The following FER1L6 variants were observed in gnomAD, a reference collection of about 807,000 sequenced individuals.
FER1L6 encodes fer-1 like family member 6.
In FER1L6, 177 loss-of-function variants were observed where a neutral mutation model predicts 219.2. That is an observed-to-expected ratio of 0.81 (90% CI 0.71 to 0.91). The LOEUF is 0.91. FER1L6 is among the 40% of genes least tolerant of loss of function. The pLI is 0.00. For synonymous variants in FER1L6, 768 were observed against 824.3 expected, an observed-to-expected ratio of 0.93 and a Z score of 1.17; for missense variants, 2,153 against 2,259.9, an observed-to-expected ratio of 0.95 and a Z score of 0.96.
chr8:123,980,706 A>C lies in FER1L6; in HGVS notation c.1305A>C (p.Lys435Asn), dbSNP rs1816283997. 6.2e-7 allele frequency: 1 copy of C among 1,614,056 alleles called. No homozygotes were observed. Among genetic ancestry groups the C allele is most frequent in the Admixed American group, 1.7e-5 (1 of 59,990 alleles). The change falls in exon 11 of 41, where the codon AAA becomes AAC. Residue 435 changes from lysine (K) to asparagine (N), a missense_variant. By Grantham distance (94) the Lys-to-Asn change is moderately conservative. Coordinates refer to ENST00000522917, the MANE Select transcript of FER1L6 (RefSeq NM_001039112.2). ...AGGACAAAGACTCCAAATCTTCCAA[A>C]GGTAAAGACAAGGCTGACAAAACTG... Reference protein sequence around the residue: ...PSKDKDSKSSKGKDKADKTED... With the variant: ...PSKDKDSKSSNGKDKADKTED...
chr8:123,989,837 A>G (rs1282752939), intron 12 of FER1L6, among the ~76,000 whole-genome samples: 1 of 152,162 alleles, frequency 6.6e-6, no homozygotes, highest in East Asian at 1.9e-4. Context: ...GGTTAGTTCC[A>G]TATCTTTGCA....
At chr8:123,938,291 T>C (rs16899115) in intron 1 of FER1L6, among the ~76,000 whole-genome samples, 38,044 of 152,192 alleles carry the variant, frequency 0.25, 5,239 homozygotes, top group East Asian at 0.41. Context: ...TCACACATTT[T>C]GAGCTTTTGC....
At chr8:123,952,013 C>T (rs550725005) in intron 1 of FER1L6, among the ~76,000 whole-genome samples, 7 of 152,300 alleles carry the variant, frequency 4.6e-5, no homozygotes, top group African/African-American at 7.2e-5. Flanking sequence ...TGGGAGAACA[C>T]GTGGCAACTC....
At chr8:123,918,308 C>CAAAAAAAA (rs34073010) in intron 1 of FER1L6, among the ~76,000 whole-genome samples, 1 of 123,752 alleles carries the variant, frequency 8.1e-6, no homozygotes. Context: ...CAACCTGTCT[C>CAAAAAAAA]AAAAAAAAAA....
rs560551862 is a variant in FER1L6 at position 123,949,713 on chromosome 8, AAAG to A, written c.-7-6273_-7-6271del. Among the ~76,000 whole-genome samples, 345 of 152,298 alleles carry A rather than the reference AAAG, an allele frequency of 2.3e-3. 2 individuals carry two copies. Among genetic ancestry groups the A allele is most frequent in the African/African-American group, 7.6e-3 (316 of 41,552 alleles). On this transcript the variant is annotated intron_variant, in intron 1 of 40. Coordinates refer to ENST00000522917, the MANE Select transcript of FER1L6 (RefSeq NM_001039112.2). ...TACTTCCACTTGCACATCAGAGCAG[AAAG>A]AAGAATACAAATGTTCTGTGGGCAG...
rs181246461 is a variant in FER1L6 at position 124,055,570 on chromosome 8, T to G, written c.2875-4610T>G. On this transcript the variant is annotated intron_variant, in intron 22 of 40. Coordinates refer to ENST00000522917, the MANE Select transcript of FER1L6 (RefSeq NM_001039112.2). Reference sequence around the variant, plus strand: ...CCATACTTAGAACACTCGTTTCCCCTACTTTTATAATGTTTCTCTTGTTTT... The same window carrying G: ...CCATACTTAGAACACTCGTTTCCCCGACTTTTATAATGTTTCTCTTGTTTT... Among the ~76,000 whole-genome samples, 610 of 152,282 alleles carry G rather than the reference T, an allele frequency of 4.0e-3. 3 individuals carry two copies. The highest frequency in any genetic ancestry group is 0.014 in the African/African-American group (579 of 41,566).
chr8:124,104,111 C>A (rs1822660287), intron 39 of FER1L6, among the ~76,000 whole-genome samples: 1 of 152,180 alleles, frequency 6.6e-6, no homozygotes, highest in South Asian at 2.1e-4. Context: ...CTGGTCTGAC[C>A]TCATGGTGTC....
chr8:123,914,383 T>C (rs1302440595), intron 1 of FER1L6, among the ~76,000 whole-genome samples: 2 of 152,206 alleles, frequency 1.3e-5, no homozygotes, highest in African/African-American at 4.8e-5. Context: ...GACATATATA[T>C]ACGTCAGTGG....
At chr8:124,091,632 CCTGATT>C in intron 34 of FER1L6, 49 bp downstream of exon 34, 1 of 1,582,288 alleles carries the variant, frequency 6.3e-7, no homozygotes, top group Non-Finnish European at 8.6e-7. Context: ...TTTTGAAAAT[CCTGATT>C]CTAGTGATAT....
chr8:124,055,745 T>G lies in FER1L6; in HGVS notation c.2875-4435T>G, dbSNP rs116657323. ...AACAAATGACCACAGACATGGTGGCTTAAGACAACCCAATTTATTATCTTA... is the reference window on the plus strand; with the variant it reads ...AACAAATGACCACAGACATGGTGGCGTAAGACAACCCAATTTATTATCTTA... On this transcript the variant is annotated intron_variant, in intron 22 of 40. Transcript: ENST00000522917. Among the ~76,000 whole-genome samples the G allele has an allele frequency of 8.7e-3, 1,328 of 152,292 alleles. 20 individuals are homozygous for G. The highest frequency in any genetic ancestry group is 0.03 in the African/African-American group (1,242 of 41,560).
chr8:124,014,747 T>TA (rs764185273), intron 15 of FER1L6, among the ~76,000 whole-genome samples: 13 of 152,044 alleles, frequency 8.6e-5, no homozygotes, highest in East Asian at 1.9e-4. Flanking sequence ...GCAGACAATA[T>TA]AAAAAAAGAT....
At position 123,980,737 on chromosome 8, in the gene FER1L6, G is replaced by C. The variant is rs1470104936; in HGVS notation, c.1336G>C (p.Gly446Arg). 6.2e-7 allele frequency: 1 copy of C among 1,614,140 alleles called. No individual in the cohort carries two copies. The highest frequency in any genetic ancestry group is 2.2e-5 in the East Asian group (1 of 44,884). ...AGACAAGGCTGACAAAACTGAAGAT[G>C]GAAAATCCCAACAGGCTTCAAACAA... is the stretch of plus-strand genomic sequence containing the variant. ...GKDKADKTED[G>R]KSQQASNKTN... Residue 446 changes from glycine to arginine, a missense_variant, in exon 11 of 41, where the codon GGA becomes CGA. Transcript: ENST00000522917.
intron 1 of FER1L6, among the ~76,000 whole-genome samples, chr8:123,869,035 C>T (rs756557677): frequency 2.0e-5 from 3 of 151,962 alleles, no homozygotes; most frequent in Non-Finnish European, 2.9e-5. Flanking sequence ...CTAGATGAGA[C>T]TATGTGCTTG....
intron 1 of FER1L6, among the ~76,000 whole-genome samples, chr8:123,945,408 C>G (rs1332799122): frequency 6.6e-6 from 1 of 152,166 alleles, no homozygotes; most frequent in Admixed American, 6.5e-5. Flanking sequence ...TTTGGGGGCC[C>G]TGTAAATCCC....
intron 6 of FER1L6, among the ~76,000 whole-genome samples, chr8:123,972,642 G>T (rs1198029188): frequency 3.3e-5 from 5 of 152,142 alleles, no homozygotes; most frequent in Admixed American, 3.3e-4. Flanking sequence ...ATATTGAGTG[G>T]AAATCTCTCA....
intron 39 of FER1L6, among the ~76,000 whole-genome samples, chr8:124,107,169 C>T (rs540950648): frequency 3.9e-5 from 6 of 152,000 alleles, no homozygotes; most frequent in African/African-American, 7.2e-5. Context: ...AGGATGGTCT[C>T]GATCTCCTGA....
chr8:123,968,861 C>T (rs746168556), intron 5 of FER1L6, among the ~76,000 whole-genome samples: 2 of 152,160 alleles, frequency 1.3e-5, no homozygotes, highest in Non-Finnish European at 2.9e-5. Context: ...GTCAGTTCCT[C>T]CTTTCTTACT....
intron 26 of FER1L6, among the ~76,000 whole-genome samples, chr8:124,065,625 G>C (rs952861308): frequency 1.3e-5 from 2 of 152,152 alleles, no homozygotes; most frequent in Non-Finnish European, 2.9e-5. Flanking sequence ...CGGATTCAGT[G>C]TTCATCATTC....
intron 1 of FER1L6, among the ~76,000 whole-genome samples, chr8:123,922,622 C>T (rs531657447): frequency 6.2e-4 from 95 of 152,232 alleles, no homozygotes; most frequent in Admixed American, 1.3e-3. Context: ...ACAGCAGAGC[C>T]GTGGGCTCCC....
Sources: allele counts gnomAD v4.1 joint callset (sites outside exome capture counted in the v4.1 genomes callset), GRCh38; gene constraint gnomAD v4.1.1; transcripts MANE v1.5; gene names NCBI Gene and HGNC (gene_info 2026-07-23, HGNC 2026-07-21).